The following MTDH variants were observed in gnomAD, a reference collection of about 807,000 sequenced individuals.
MTDH encodes protein LYRIC.
Under a neutral mutation model 72.7 loss-of-function variants are expected in MTDH, and 34 were observed. The observed-to-expected ratio is 0.47, with a 90% CI of 0.36 to 0.62. The LOEUF (loss-of-function observed/expected upper bound fraction) is 0.62. Ranked by LOEUF, MTDH falls within the 20% of genes least tolerant of loss-of-function variation. The pLI is 0.00. For synonymous variants in MTDH, 266 were observed against 268.9 expected (o/e 0.99, Z 0.10); for missense variants, 677 against 699.4 (o/e 0.97, Z 0.36).
At chr8:97,680,510 CACAT>C in intron 2 of MTDH, among the ~76,000 whole-genome samples, 1 of 152,224 alleles carries the variant, frequency 6.6e-6, no homozygotes, top group Middle Eastern at 3.4e-3. Context: ...TGTATACATG[CACAT>C]ACATGTGCAC....
intron 1 of MTDH, among the ~76,000 whole-genome samples, chr8:97,645,491 G>A (rs1170548144): frequency 6.6e-6 from 1 of 152,232 alleles, no homozygotes; most frequent in Non-Finnish European, 1.5e-5. Flanking sequence ...CGGGAGCAAG[G>A]CAAGAGGGGG....
At chr8:97,661,341 T>G (rs1450990393) in intron 2 of MTDH, among the ~76,000 whole-genome samples, 168 bp downstream of exon 2, 1 of 152,164 alleles carries the variant, frequency 6.6e-6, no homozygotes, top group Non-Finnish European at 1.5e-5. Flanking sequence ...ACTGAGTTGT[T>G]TTTGTTTTTT....
At chr8:97,677,637 A>G (rs1053551434) in intron 2 of MTDH, among the ~76,000 whole-genome samples, 6 of 152,202 alleles carry the variant, frequency 3.9e-5, no homozygotes, top group African/African-American at 1.4e-4. Context: ...GAAATCATCA[A>G]GAAGGGGTTT....
intron 1 of MTDH, among the ~76,000 whole-genome samples, chr8:97,653,581 T>G (rs538184659): frequency 6.6e-6 from 1 of 152,210 alleles, no homozygotes; most frequent in African/African-American, 2.4e-5. Flanking sequence ...AAAAGACCTT[T>G]AGTAGTTGTG....
At chr8:97,709,552 A>G (rs1453611042) in intron 8 of MTDH, among the ~76,000 whole-genome samples, 1 of 152,222 alleles carries the variant, frequency 6.6e-6, no homozygotes, top group African/African-American at 2.4e-5. Context: ...GAAAGATGTG[A>G]TATGTTTATA....
At chr8:97,682,957 AAAT>A (rs1813195427) in intron 2 of MTDH, among the ~76,000 whole-genome samples, 1 of 151,622 alleles carries the variant, frequency 6.6e-6, no homozygotes, top group South Asian at 2.1e-4. Context: ...TGGGGAGACT[AAAT>A]AAGAGGTTAT....
chr8:97,677,347 C>T (rs1433843896), intron 2 of MTDH, among the ~76,000 whole-genome samples: 5 of 151,228 alleles, frequency 3.3e-5, no homozygotes, highest in Non-Finnish European at 5.9e-5. Context: ...AAAAATTAGC[C>T]GGGCATGGTG....
At chr8:97,684,025 C>T (rs1813251448) in intron 2 of MTDH, among the ~76,000 whole-genome samples, 1 of 151,680 alleles carries the variant, frequency 6.6e-6, no homozygotes, top group African/African-American at 2.4e-5. Context: ...GCAGGAGAAT[C>T]GCTTGAACCC....
intron 7 of MTDH, among the ~76,000 whole-genome samples, chr8:97,704,223 T>C (rs775500789): frequency 1.4e-4 from 21 of 152,216 alleles, no homozygotes; most frequent in Non-Finnish European, 2.6e-4. Context: ...CACTCTGTAT[T>C]TAATAGTTTG....
intron 2 of MTDH, among the ~76,000 whole-genome samples, chr8:97,683,895 T>G (rs1813243880): frequency 1.3e-5 from 2 of 152,168 alleles, no homozygotes; most frequent in Admixed American, 1.3e-4. Context: ...GTGGATCACC[T>G]GAGGTTGGAA....
intron 1 of MTDH, among the ~76,000 whole-genome samples, chr8:97,650,355 A>G (rs1586198482): frequency 1.3e-5 from 2 of 150,366 alleles, no homozygotes; most frequent in African/African-American, 4.9e-5. Context: ...GCTCACTGCA[A>G]CCTCAACCTC....
chr8:97,714,351 G>A (rs1211132877), intron 9 of MTDH, among the ~76,000 whole-genome samples: 1 of 152,198 alleles, frequency 6.6e-6, no homozygotes, highest in African/African-American at 2.4e-5. Flanking sequence ...AATGGCTCAT[G>A]CCTGTAATCC....
At chr8:97,717,902 A>G (rs1209242848) in intron 9 of MTDH, among the ~76,000 whole-genome samples, 1 of 152,066 alleles carries the variant, frequency 6.6e-6, no homozygotes, top group African/African-American at 2.4e-5. Context: ...GATGTGTACC[A>G]CCATTACCAG....
intron 6 of MTDH, 111 bp downstream of exon 6, chr8:97,691,299 G>A (rs995562972): frequency 2.5e-5 from 18 of 720,938 alleles, no homozygotes; most frequent in Non-Finnish European, 2.0e-5. Flanking sequence ...GTACTGCTCT[G>A]CAGAAATAAT....
chr8:97,679,009 T>A (rs1812964908), intron 2 of MTDH, among the ~76,000 whole-genome samples: 1 of 152,170 alleles, frequency 6.6e-6, no homozygotes, highest in Non-Finnish European at 1.5e-5. Flanking sequence ...TCCTCATATC[T>A]GCCCAGCTTG....
intron 6 of MTDH, among the ~76,000 whole-genome samples, chr8:97,691,562 C>A (rs377717876): frequency 1.3e-5 from 2 of 152,108 alleles, no homozygotes; most frequent in East Asian, 3.8e-4. Flanking sequence ...TGATAACATC[C>A]ACTTATATTT....
chr8:97,723,530 T>G (rs1586291271), intron 11 of MTDH, among the ~76,000 whole-genome samples: 1 of 146,052 alleles, frequency 6.8e-6, no homozygotes, highest in Non-Finnish European at 1.5e-5. Context: ...GATCACTAGG[T>G]CAGGAGATCG....
chr8:97,707,706 T>G (rs1416887955), intron 8 of MTDH, among the ~76,000 whole-genome samples: 1 of 152,024 alleles, frequency 6.6e-6, no homozygotes, highest in Non-Finnish European at 1.5e-5. Context: ...AACCCCTGTT[T>G]TAGCATGTCT....
At chr8:97,701,216 A>G (rs751752401) in intron 7 of MTDH, among the ~76,000 whole-genome samples, 1 of 152,156 alleles carries the variant, frequency 6.6e-6, no homozygotes, top group East Asian at 1.9e-4. Context: ...GTCATCTCTC[A>G]GTATCCATGG....
Sources: allele counts gnomAD v4.1 joint callset (sites outside exome capture counted in the v4.1 genomes callset), GRCh38; gene constraint gnomAD v4.1.1; transcripts MANE v1.5; gene names NCBI Gene and HGNC (gene_info 2026-07-23, HGNC 2026-07-21).